The following ANK3 variants were observed in gnomAD, a reference collection of about 807,000 sequenced individuals.
The protein encoded by ANK3 is ankyrin 3, also known as ankyrin-3.
A neutral mutation model predicts 370.9 loss-of-function variants in ANK3; 57 were observed. The observed-to-expected ratio is 0.15, with a 90% CI of 0.12 to 0.19. The LOEUF (loss-of-function observed/expected upper bound fraction) is 0.19, where lower values mean the gene tolerates loss of function less well. ANK3 is among the 10% of genes least tolerant of loss of function. The pLI, the probability that ANK3 is intolerant of heterozygous loss-of-function variation, is 1.00. For missense variants in ANK3, 4,439 were observed against 5,302.1 expected, an observed-to-expected ratio of 0.84 and a Z score of 5.06; for synonymous variants, 1,929 against 1,946.3, an observed-to-expected ratio of 0.99 and a Z score of 0.23.
chr10:60,102,001 C>T (rs1370955782), intron 28 of ANK3, among the ~76,000 whole-genome samples: 1 of 151,820 alleles, frequency 6.6e-6, no homozygotes, highest in Admixed American at 6.6e-5. Context: ...GTCAGAAGTC[C>T]AGGTTTGGAA....
intron 2 of ANK3, among the ~76,000 whole-genome samples, chr10:60,533,199 C>A (rs750065222): frequency 2.0e-5 from 3 of 152,086 alleles, no homozygotes; most frequent in Non-Finnish European, 1.5e-5. Context: ...GAAGGCACAG[C>A]GGCTCCCTGG....
At chr10:60,149,487 G>A (rs1173140543) in intron 23 of ANK3, among the ~76,000 whole-genome samples, 1 of 152,192 alleles carries the variant, frequency 6.6e-6, no homozygotes, top group East Asian at 1.9e-4. Flanking sequence ...AACCACAACA[G>A]CCTGTTGTTT....
In ANK3 at chr10:60,166,611, T is replaced by C. The variant is rs1565420649; in HGVS notation, c.2594A>G (p.Tyr865Cys). The C allele has an allele frequency of 6.2e-7, 1 of 1,613,808 alleles. No individual in the cohort carries two copies. ...NAPEMLSDGEYISDVEEGEDA... is the reference protein window; with the variant it reads ...NAPEMLSDGECISDVEEGEDA... ...AATACCTTCTTCAACATCTGAGATA[T>C]ATTCGCCATCACTGAGCATTTCAGG... Residue 865 changes from tyrosine (Y) to cysteine (C), a missense_variant, in exon 23 of 44, where the codon TAT (tyrosine) becomes TGT (cysteine). Physicochemically the swap from Tyr to Cys is radical, Grantham distance 194. Coordinates refer to ENST00000280772, the MANE Select transcript of ANK3 (RefSeq NM_020987.5).
At chr10:60,268,479 TTTC>T (rs550627977) in intron 5 of ANK3, among the ~76,000 whole-genome samples, 82 of 152,240 alleles carry the variant, frequency 5.4e-4, no homozygotes, top group African/African-American at 2.0e-3. Context: ...TACTAACAGG[TTTC>T]TTTTTTCTTT....
At chr10:60,207,706 A>G (rs2096786281) in intron 10 of ANK3, among the ~76,000 whole-genome samples, 1 of 152,222 alleles carries the variant, frequency 6.6e-6, no homozygotes, top group Non-Finnish European at 1.5e-5. Context: ...AGATCTCAGA[A>G]TAAACTTTTA....
intron 23 of ANK3, among the ~76,000 whole-genome samples, chr10:60,156,001 C>T (rs1407865363): frequency 6.6e-6 from 1 of 152,172 alleles, no homozygotes; most frequent in African/African-American, 2.4e-5. Context: ...GAGACTTTAC[C>T]TTGTGATTGT....
intron 2 of ANK3, among the ~76,000 whole-genome samples, chr10:60,435,085 G>A (rs753299990): frequency 6.6e-6 from 1 of 152,138 alleles, no homozygotes; most frequent in Non-Finnish European, 1.5e-5. Flanking sequence ...TGAGAACGGT[G>A]TTACTTTAAC....
At chr10:60,718,944 T>G (rs1032887813) in intron 1 of ANK3, among the ~76,000 whole-genome samples, 3 of 152,210 alleles carry the variant, frequency 2.0e-5, no homozygotes, top group African/African-American at 7.2e-5. Flanking sequence ...TTGGATTTAT[T>G]ACAAAACACA....
chr10:60,315,098 C>T (rs1244857596), intron 1 of ANK3, among the ~76,000 whole-genome samples: 1 of 152,064 alleles, frequency 6.6e-6, no homozygotes, highest in African/African-American at 2.4e-5. Flanking sequence ...TTTATTCTTT[C>T]CTAGTGTGGC....
chr10:60,099,464 C>T (rs1201602570), intron 28 of ANK3, among the ~76,000 whole-genome samples: 1 of 152,094 alleles, frequency 6.6e-6, no homozygotes, highest in African/African-American at 2.4e-5. Flanking sequence ...GGTGTATTTA[C>T]CAGTTTGATC....
chr10:60,266,274 G>T (rs1461818915), intron 5 of ANK3, among the ~76,000 whole-genome samples: 1 of 152,022 alleles, frequency 6.6e-6, no homozygotes, highest in East Asian at 1.9e-4. Flanking sequence ...TTTCATAAAG[G>T]TACATACATG....
chr10:60,584,341 G>A (rs893669074), intron 2 of ANK3, among the ~76,000 whole-genome samples: 1 of 152,204 alleles, frequency 6.6e-6, no homozygotes, highest in Non-Finnish European at 1.5e-5. Context: ...GCACGAGTCT[G>A]GGTGTAATGG....
intron 1 of ANK3, among the ~76,000 whole-genome samples, chr10:60,341,651 A>G (rs1015907586): frequency 2.0e-5 from 3 of 152,146 alleles, no homozygotes; most frequent in Non-Finnish European, 2.9e-5. Context: ...GGGGCATTTA[A>G]GGGTAGAGAT....
In ANK3 at chr10:60,394,913, A is replaced by T. The variant is rs577774306; in HGVS notation, c.97-115274T>A. On this transcript the variant is annotated intron_variant, in intron 2 of 43. Coordinates refer to the ANK3 transcript ENST00000373827. Reference sequence around the variant, plus strand: ...TTTGGGTGTTTGCAAATTTAAAAAAATATATAAGGAAGTTTTATTCAAGCA... The same window carrying T: ...TTTGGGTGTTTGCAAATTTAAAAAATTATATAAGGAAGTTTTATTCAAGCA... Among the ~76,000 whole-genome samples, 5 of 152,298 alleles carry T rather than the reference A, an allele frequency of 3.3e-5. No individual in the cohort carries two copies. The South Asian group carries it at 1.0e-3, about 32-fold the overall frequency.
At chr10:60,430,125 T>C (rs191336288) in intron 2 of ANK3, among the ~76,000 whole-genome samples, 17 of 152,314 alleles carry the variant, frequency 1.1e-4, no homozygotes, top group Admixed American at 7.2e-4. Flanking sequence ...TCAGAGTCCA[T>C]TATTTAAAGT....
intron 1 of ANK3, among the ~76,000 whole-genome samples, chr10:60,667,485 A>C (rs1208356952): frequency 3.9e-5 from 6 of 152,168 alleles, no homozygotes; most frequent in African/African-American, 1.2e-4. Flanking sequence ...GTATCAAAGA[A>C]ACCAAATGAT....
intron 1 of ANK3, among the ~76,000 whole-genome samples, chr10:60,642,151 T>C (rs1044930623): frequency 6.6e-6 from 1 of 150,740 alleles, no homozygotes; most frequent in Admixed American, 6.6e-5. Context: ...GGAGAGGATG[T>C]GGAGAAATAG....
intron 1 of ANK3, among the ~76,000 whole-genome samples, chr10:60,377,616 A>G (rs2060967264): frequency 1.3e-5 from 2 of 152,244 alleles, no homozygotes; most frequent in Non-Finnish European, 2.9e-5. Flanking sequence ...TACATGACAT[A>G]AAAATCATTT....
At chr10:60,493,325 C>T (rs1246361015) in intron 2 of ANK3, among the ~76,000 whole-genome samples, 2 of 151,840 alleles carry the variant, frequency 1.3e-5, no homozygotes, top group Non-Finnish European at 1.5e-5. Flanking sequence ...ACGTGGGGAG[C>T]AGCATGAGTG....
Sources: gnomAD v4.1 joint callset for allele counts (sites outside exome capture counted in the v4.1 genomes callset) on GRCh38, gnomAD v4.1.1 for gene constraint, MANE v1.5 for transcripts, NCBI Gene and HGNC (gene_info 2026-07-23, HGNC 2026-07-21) for gene names.